The following LRRN2 variants were observed in gnomAD, a reference collection of about 807,000 sequenced individuals.
LRRN2 encodes leucine rich repeat neuronal 2.
In LRRN2, 10 loss-of-function variants were observed where a neutral mutation model predicts 35.7. That is an observed-to-expected ratio of 0.28 (90% CI 0.17 to 0.47). The LOEUF (loss-of-function observed/expected upper bound fraction) is 0.47, where lower values mean the gene tolerates loss of function less well. Ranked by LOEUF, LRRN2 falls within the 20% of genes least tolerant of loss-of-function variation. The pLI is 0.99. For missense variants in LRRN2, 731 were observed against 940.3 expected, an observed-to-expected ratio of 0.78 and a Z score of 2.91; for synonymous variants, 391 against 409.6, an observed-to-expected ratio of 0.95 and a Z score of 0.55.
At chr1:204,671,587 A>G (rs1411766949) in intron 1 of LRRN2, among the ~76,000 whole-genome samples, 1 of 140,208 alleles carries the variant, frequency 7.1e-6, no homozygotes, top group Non-Finnish European at 1.5e-5. Flanking sequence ...AAAATGATGG[A>G]CCATGGCCTC....
chr1:204,684,877 C>T (rs370973270), intron 1 of LRRN2, among the ~76,000 whole-genome samples: 2 of 152,226 alleles, frequency 1.3e-5, no homozygotes, highest in South Asian at 4.1e-4. Flanking sequence ...GGCTCTGGAG[C>T]GCTTCCAGCC....
chr1:204,671,511 G>C (rs908128868), intron 1 of LRRN2, among the ~76,000 whole-genome samples: 1 of 151,116 alleles, frequency 6.6e-6, no homozygotes, highest in African/African-American at 2.4e-5. Flanking sequence ...CAGGGACTTG[G>C]TCAAACTAGG....
At chr1:204,638,106 C>T (rs1203490987) in intron 1 of LRRN2, among the ~76,000 whole-genome samples, 5 of 139,136 alleles carry the variant, frequency 3.6e-5, no homozygotes, top group East Asian at 4.9e-4. Flanking sequence ...CTCACCCACC[C>T]ACCCCCCGCC....
intron 1 of LRRN2, among the ~76,000 whole-genome samples, chr1:204,677,936 C>T (rs1032281649): frequency 6.6e-6 from 1 of 152,084 alleles, no homozygotes; most frequent in African/African-American, 2.4e-5. Context: ...CGTGGGCTGC[C>T]TTACTCCCAC....
rs376548384 is a variant in LRRN2 at position 204,618,702 on chromosome 1, G to C, written c.1291C>G (p.Pro431Ala). The change falls in exon 2 of 2, where the codon CCA becomes GCA. Residue 431 changes from proline to alanine, a missense_variant. Around this residue, in one of 3 missense-constraint regions of LRRN2, gnomAD observed 256 missense variants for 392.4 expected, o/e 0.65. Transcript: ENST00000367177. ...TCTCCACTGGCTACCTGGAGGCTTG[G>C]GGGGAAGCTTCGTGGGGAGATGAGG... Reference protein sequence around the residue: ...LPLISPRSFPPSLQVASGESM... With the variant: ...LPLISPRSFPASLQVASGESM... 18 of 1,600,168 alleles carry C rather than the reference G, an allele frequency of 1.1e-5. No homozygotes were observed. The highest frequency in any genetic ancestry group is 1.7e-4 in the Middle Eastern group (1 of 5,992).
intron 1 of LRRN2, among the ~76,000 whole-genome samples, chr1:204,624,071 G>A (rs944628711): frequency 6.6e-6 from 1 of 152,180 alleles, no homozygotes; most frequent in East Asian, 1.9e-4. Flanking sequence ...CAGCCAATGT[G>A]GATCAGCACC....
At chr1:204,674,909 C>G (rs1309972787) in intron 1 of LRRN2, among the ~76,000 whole-genome samples, 1 of 152,232 alleles carries the variant, frequency 6.6e-6, no homozygotes, top group Non-Finnish European at 1.5e-5. Flanking sequence ...GTTCTTAGCA[C>G]AGTGCTTGGG....
chr1:204,684,343 G>A (rs1295591088), intron 1 of LRRN2, among the ~76,000 whole-genome samples: 2 of 152,202 alleles, frequency 1.3e-5, no homozygotes, highest in Non-Finnish European at 2.9e-5. Flanking sequence ...GGCTCCAACA[G>A]ATGGGAGCTG....
chr1:204,661,251 A>G (rs1668465721), intron 1 of LRRN2, among the ~76,000 whole-genome samples: 1 of 152,150 alleles, frequency 6.6e-6, no homozygotes, highest in South Asian at 2.1e-4. Context: ...AACAGGCTAA[A>G]CTAGGTCTAC....
chr1:204,669,531 T>C (rs1668662707), intron 1 of LRRN2, among the ~76,000 whole-genome samples: 1 of 152,236 alleles, frequency 6.6e-6, no homozygotes, highest in South Asian at 2.1e-4. Flanking sequence ...ATGTGTGTTA[T>C]GAAGAAAGCA....
intron 1 of LRRN2, among the ~76,000 whole-genome samples, chr1:204,629,963 T>G (rs974461192): frequency 4.6e-5 from 7 of 151,996 alleles, no homozygotes; most frequent in Non-Finnish European, 7.4e-5. Context: ...AGAGGGTGTG[T>G]GGGGGGGTTA....
intron 1 of LRRN2, among the ~76,000 whole-genome samples, chr1:204,641,345 G>A (rs995007709): frequency 6.6e-6 from 1 of 152,142 alleles, no homozygotes; most frequent in Non-Finnish European, 1.5e-5. Context: ...ACTATGGCAT[G>A]CGGATTCCCA....
intron 1 of LRRN2, among the ~76,000 whole-genome samples, chr1:204,671,555 G>A (rs1668712589): frequency 7.0e-6 from 1 of 142,756 alleles, no homozygotes; most frequent in African/African-American, 2.5e-5. Flanking sequence ...GAGAGTTTAG[G>A]ATATTGGCAG....
chr1:204,659,235 A>G (rs1318269900), intron 1 of LRRN2, among the ~76,000 whole-genome samples: 1 of 152,196 alleles, frequency 6.6e-6, no homozygotes. Flanking sequence ...TCAAGGGCCT[A>G]CTGTACCTCT....
At chr1:204,630,705 G>A (rs1667669287) in intron 1 of LRRN2, among the ~76,000 whole-genome samples, 1 of 151,936 alleles carries the variant, frequency 6.6e-6, no homozygotes, top group African/African-American at 2.4e-5. Context: ...CCTTCCCCAG[G>A]ACCTCTCCTG....
In LRRN2 at chr1:204,618,562, G is replaced by C; in HGVS notation, c.1431C>G (p.Tyr477Ter). 1.2e-6 allele frequency: 2 copies of C among 1,614,078 alleles called. No homozygotes were observed. Among genetic ancestry groups the C allele is most frequent in the Non-Finnish European group, 1.7e-6 (2 of 1,180,034 alleles). ...TCCGCAGCTCCAGGGTCCCCTCGGG[G>C]TACACCCGGTACCTCCTGCCTGCAT... is the stretch of plus-strand genomic sequence containing the variant. The part of the protein sequence containing the change: ...PAHAGRRYRV[Y>*]PEGTLELRRV... Residue 477 changes from tyrosine (Y) to a stop codon, truncating the protein, a stop_gained, in exon 2 of 2, where the codon TAC (tyrosine) becomes TAG (stop). Transcript: ENST00000367177. LOFTEE classifies it high-confidence loss of function.
At chr1:204,651,164 C>T (rs888479019) in intron 1 of LRRN2, among the ~76,000 whole-genome samples, 5 of 152,106 alleles carry the variant, frequency 3.3e-5, no homozygotes, top group Admixed American at 2.6e-4. Context: ...TGGAAGGCAC[C>T]ATCTAGGAGC....
At chr1:204,664,372 G>C (rs1610401) in intron 1 of LRRN2, 142,468 of 152,834 alleles carry the variant, frequency 0.93, 66,537 homozygotes, top group Non-Finnish European at 0.97. Context: ...CCACCTGCAC[G>C]CCGTCCTCAG....
chr1:204,631,721 T>C (rs1468992096), intron 1 of LRRN2, among the ~76,000 whole-genome samples: 3 of 152,124 alleles, frequency 2.0e-5, no homozygotes, highest in Non-Finnish European at 2.9e-5. Context: ...GTAGTGTTGC[T>C]GGGAATCCAT....
Sources: allele counts gnomAD v4.1 joint callset (sites outside exome capture counted in the v4.1 genomes callset), GRCh38; gene constraint gnomAD v4.1.1; regional missense constraint gnomAD v4.1.1; transcripts MANE v1.5; gene names NCBI Gene and HGNC (gene_info 2026-07-23, HGNC 2026-07-21).